EBF2: variants seen among roughly 807,000 people sequenced by gnomAD.
EBF2 encodes transcription factor COE2.
In EBF2, 21 loss-of-function variants were observed where a neutral mutation model predicts 72.8. That is an observed-to-expected ratio of 0.29 (90% CI 0.20 to 0.42). The LOEUF (loss-of-function observed/expected upper bound fraction) is 0.42. EBF2 is among the 10% of genes least tolerant of loss of function. The pLI, the probability that EBF2 is intolerant of heterozygous loss-of-function variation, is 1.00. For synonymous variants in EBF2, 299 were observed against 274.2 expected (o/e 1.09, Z -0.89); for missense variants, 637 against 731.2 (o/e 0.87, Z 1.49).
intron 10 of EBF2, among the ~76,000 whole-genome samples, chr8:25,876,860 T>C (rs549242781): frequency 5.3e-4 from 81 of 152,140 alleles, no homozygotes; most frequent in Non-Finnish European, 1.1e-3. Context: ...CAGATAAAGG[T>C]GGTGATACTC....
chr8:26,003,372 T>A (rs1246473947), intron 6 of EBF2, among the ~76,000 whole-genome samples: 1 of 152,170 alleles, frequency 6.6e-6, no homozygotes, highest in African/African-American at 2.4e-5. Flanking sequence ...GTTTTCGAAA[T>A]GTTTCTTACA....
In EBF2 at chr8:25,969,082, G is replaced by A. The variant is rs571378050; in HGVS notation, c.552-60527C>T. ...ACAATCAGAAAGTCCCCTTCAAATG[G>A]AGATTAATGGTAATTGATCTCTGGA... On this transcript the variant is annotated intron_variant, in intron 6 of 15. Coordinates refer to ENST00000520164, the MANE Select transcript of EBF2 (RefSeq NM_022659.4). Among the ~76,000 whole-genome samples, 4 of 152,182 alleles carry A rather than the reference G, an allele frequency of 2.6e-5. No homozygotes were observed. The East Asian group carries it at 7.7e-4, about 29-fold the overall frequency.
At chr8:25,867,409 A>C (rs1446358691) in intron 10 of EBF2, among the ~76,000 whole-genome samples, 2 of 152,206 alleles carry the variant, frequency 1.3e-5, no homozygotes, top group Non-Finnish European at 2.9e-5. Context: ...TTCCATTCTT[A>C]ACCCCGAGTT....
intron 6 of EBF2, among the ~76,000 whole-genome samples, chr8:25,982,709 C>T (rs1804382262): frequency 2.0e-5 from 3 of 152,104 alleles, no homozygotes. Context: ...TTTCCCAGCA[C>T]CTTGTCTCCC....
chr8:26,002,796 G>C (rs2117221859), intron 6 of EBF2, among the ~76,000 whole-genome samples: 1 of 152,004 alleles, frequency 6.6e-6, no homozygotes, highest in African/African-American at 2.4e-5. Flanking sequence ...GGCTGCTTGT[G>C]GTTGCAGATT....
chr8:25,984,934 C>G (rs1383265723), intron 6 of EBF2, among the ~76,000 whole-genome samples: 1 of 44,554 alleles, frequency 2.2e-5, no homozygotes, highest in Non-Finnish European at 6.2e-5. Flanking sequence ...AACTCAGCTT[C>G]TGAAAAAAAA....
intron 13 of EBF2, among the ~76,000 whole-genome samples, chr8:25,859,724 T>G (rs2117260323): frequency 6.6e-6 from 1 of 151,510 alleles, no homozygotes; most frequent in East Asian, 1.9e-4. Flanking sequence ...GTCTAGTCTT[T>G]TTTTTTTTTT....
At chr8:25,937,872 G>A (rs1414381823) in intron 6 of EBF2, among the ~76,000 whole-genome samples, 1 of 152,154 alleles carries the variant, frequency 6.6e-6, no homozygotes, top group Non-Finnish European at 1.5e-5. Flanking sequence ...AAGAGACTTG[G>A]TGGGAACATA....
intron 10 of EBF2, among the ~76,000 whole-genome samples, chr8:25,877,070 G>A (rs1230628978): frequency 6.6e-6 from 1 of 152,206 alleles, no homozygotes; most frequent in East Asian, 1.9e-4. Flanking sequence ...TTACCCCCAT[G>A]TCCTCACACA....
At chr8:25,877,747 C>T (rs1003290552) in intron 10 of EBF2, among the ~76,000 whole-genome samples, 10 of 152,122 alleles carry the variant, frequency 6.6e-5, no homozygotes, top group African/African-American at 2.4e-4. Flanking sequence ...CTAGAAAGTT[C>T]TACATAAGAG....
intron 6 of EBF2, among the ~76,000 whole-genome samples, chr8:26,002,736 C>T (rs1397179146): frequency 2.0e-5 from 3 of 152,168 alleles, no homozygotes; most frequent in African/African-American, 7.2e-5. Flanking sequence ...CGATTCTTCC[C>T]GGCTGCGTCT....
chr8:25,978,403 G>GC (rs1804302074), intron 6 of EBF2, among the ~76,000 whole-genome samples: 2 of 152,186 alleles, frequency 1.3e-5, no homozygotes, highest in Non-Finnish European at 2.9e-5. Context: ...TTCCCATCAA[G>GC]ATGGCTGTTA....
intron 8 of EBF2, 45 bp downstream of exon 8, chr8:25,889,707 T>C (rs780677459): frequency 6.9e-7 from 1 of 1,444,370 alleles, no homozygotes; most frequent in Admixed American, 1.7e-5. Flanking sequence ...AGGAAATTCG[T>C]GGAGAATTTC....
chr8:25,908,597 T>A (rs1447072885), intron 6 of EBF2, 42 bp from the exon 7 acceptor site: 1 of 1,313,548 alleles, frequency 7.6e-7, no homozygotes, highest in African/African-American at 1.5e-5. Context: ...CAGTAAACAT[T>A]TTTAAAGGGA....
chr8:25,967,247 A>T (rs1804129491), intron 6 of EBF2, among the ~76,000 whole-genome samples: 1 of 152,210 alleles, frequency 6.6e-6, no homozygotes, highest in African/African-American at 2.4e-5. Context: ...AGAGCTTGAA[A>T]ATCTGTAGCT....
At chr8:25,904,503 A>G (rs1190695753) in intron 7 of EBF2, among the ~76,000 whole-genome samples, 1 of 152,182 alleles carries the variant, frequency 6.6e-6, no homozygotes, top group African/African-American at 2.4e-5. Context: ...TCATATTTCT[A>G]TTCCATTCAG....
At chr8:26,006,458 G>C (rs965673852) in intron 6 of EBF2, among the ~76,000 whole-genome samples, 2 of 152,140 alleles carry the variant, frequency 1.3e-5, no homozygotes, top group African/African-American at 4.8e-5. Context: ...GAAATAGATT[G>C]CTCAGGTCTT....
intron 5 of EBF2, among the ~76,000 whole-genome samples, chr8:26,033,887 T>C (rs146594025): frequency 6.6e-6 from 1 of 152,346 alleles, no homozygotes; most frequent in African/African-American, 2.4e-5. Flanking sequence ...TATACTCAAA[T>C]TCTCACTCTG....
intron 6 of EBF2, among the ~76,000 whole-genome samples, chr8:25,929,000 A>G (rs1803437222): frequency 6.6e-6 from 1 of 152,190 alleles, no homozygotes; most frequent in Non-Finnish European, 1.5e-5. Context: ...CTCTATCTCC[A>G]CACTCAATAA....
Sources: gnomAD v4.1 joint callset for allele counts (sites outside exome capture counted in the v4.1 genomes callset) on GRCh38, gnomAD v4.1.1 for gene constraint, MANE v1.5 for transcripts, NCBI Gene and HGNC (gene_info 2026-07-23, HGNC 2026-07-21) for gene names.